The following BCL7B variants were observed in gnomAD, a reference collection of about 807,000 sequenced individuals.
The protein encoded by BCL7B is BAF chromatin remodeling complex subunit BCL7B.
In BCL7B, 11 loss-of-function variants were observed where a neutral mutation model predicts 26.5. The observed-to-expected ratio is 0.42, with a 90% confidence interval of 0.26 to 0.69. The LOEUF (loss-of-function observed/expected upper bound fraction) is 0.69, where lower values mean the gene tolerates loss of function less well. Among genes scored for constraint, BCL7B ranks in the 30% least tolerant of loss-of-function variants. The probability of loss-of-function intolerance (pLI) is 0.28; values close to 1 mark genes in which losing one functional copy is unlikely to be tolerated. For synonymous variants in BCL7B, 111 were observed against 107.9 expected, an observed-to-expected ratio of 1.03 and a Z score of -0.18; for missense variants, 215 against 264.4, an observed-to-expected ratio of 0.81 and a Z score of 1.30.
intron 1 of BCL7B, among the ~76,000 whole-genome samples, chr7:73,554,815 CAG>C (rs1386771620): frequency 1.4e-5 from 2 of 139,830 alleles, no homozygotes; most frequent in Non-Finnish European, 3.1e-5. Context: ...AAAAAAAAAA[CAG>C]ATGACATACT....
intron 3 of BCL7B, among the ~76,000 whole-genome samples, chr7:73,542,525 A>G (rs1450880690): frequency 6.6e-6 from 1 of 152,216 alleles, no homozygotes; most frequent in Non-Finnish European, 1.5e-5. Flanking sequence ...AGCTTAGACA[A>G]AACACTGTTC....
In BCL7B at chr7:73,557,272, G is replaced by A. The variant is rs572305975; in HGVS notation, c.92+215C>T. 8.0e-4 allele frequency: 904 copies of A among 1,133,008 alleles called. 3 individuals carry two copies. The African/African-American group carries it at 0.014, about 17-fold the overall frequency. 70.2% of individuals were successfully genotyped at this position (1,133,008 alleles called of 1,614,324 possible). ...GCGGCGCGCGGCAGCAGCCGCAGCA[G>A]GTGGGCGGGCCCGCGAGCCGGGAGG... On this transcript the variant is annotated intron_variant, in intron 1 of 5. Coordinates refer to ENST00000223368, the MANE Select transcript of BCL7B (RefSeq NM_001707.4).
Position 73,552,256 on chromosome 7 carries a change from A to G in BCL7B, c.93-14T>C, listed in dbSNP as rs781991213. On this transcript the variant is annotated splice_polypyrimidine_tract_variant and intron_variant, in intron 1 of 5. Coordinates refer to ENST00000223368, the MANE Select transcript of BCL7B (RefSeq NM_001707.4). ...CACTTCTTCTCCCTAAAAGAAAGAC[A>G]CTTCTTAGAACGGATAAAACAATGC... The G allele has an allele frequency of 4.4e-6, 7 of 1,597,802 alleles. No homozygotes were observed. The highest frequency in any genetic ancestry group is 1.3e-5 in the African/African-American group (1 of 74,192).
chr7:73,550,739 G>C (rs1792134104), intron 2 of BCL7B, among the ~76,000 whole-genome samples: 1 of 150,744 alleles, frequency 6.6e-6, no homozygotes, highest in Admixed American at 6.6e-5. Context: ...CTCACTGCAA[G>C]CTCCGCCTCC....
At chr7:73,541,463 TA>T (rs1791768366) in intron 3 of BCL7B, among the ~76,000 whole-genome samples, 1 of 149,480 alleles carries the variant, frequency 6.7e-6, no homozygotes, top group Non-Finnish European at 1.5e-5. Flanking sequence ...TCATACCCAG[TA>T]CTTTTTTTTT....
At chr7:73,542,171 G>C (rs1791793295) in intron 3 of BCL7B, among the ~76,000 whole-genome samples, 1 of 152,200 alleles carries the variant, frequency 6.6e-6, no homozygotes, top group Non-Finnish European at 1.5e-5. Flanking sequence ...TGACTCCCCA[G>C]TGCAACGCAC....
In BCL7B at chr7:73,556,607, G is replaced by A. The variant is rs113744872; in HGVS notation, c.92+880C>T. Among the ~76,000 whole-genome samples the A allele has an allele frequency of 3.0e-3, 451 of 152,230 alleles. 1 individual carries two copies. Among genetic ancestry groups the A allele is most frequent in the African/African-American group, 9.0e-3 (374 of 41,524 alleles). On this transcript the variant is annotated intron_variant, in intron 1 of 5. Transcript: ENST00000223368. Reference sequence around the variant, plus strand: ...GTATCGGAGTTCCGGATACTAAACAGGGGCTCAATCGGCATCTTCCATGAA... The same window carrying A: ...GTATCGGAGTTCCGGATACTAAACAAGGGCTCAATCGGCATCTTCCATGAA...
chr7:73,554,667 G>A (rs1428006298), intron 1 of BCL7B, among the ~76,000 whole-genome samples: 1 of 151,602 alleles, frequency 6.6e-6, no homozygotes, highest in Non-Finnish European at 1.5e-5. Context: ...GCATGGTGGC[G>A]CACACCTGTA....
chr7:73,548,145 C>T (rs781981761), intron 2 of BCL7B, among the ~76,000 whole-genome samples: 5 of 151,824 alleles, frequency 3.3e-5, no homozygotes, highest in African/African-American at 7.3e-5. Context: ...AAATTTTAGG[C>T]GAGCCTGGGC....
In BCL7B at chr7:73,537,262, A is replaced by ATC; in HGVS notation, c.*35_*36insGA. The ATC allele has an allele frequency of 6.2e-7, 1 of 1,605,936 alleles. No homozygotes were observed. Among genetic ancestry groups the ATC allele is most frequent in the South Asian group, 1.1e-5 (1 of 90,840 alleles). ...CGGCCAGAACCAGAATGCAATAAAT[A>ATC]GAGGCAGGGCCAGGAGGCGGAGGGC... On this transcript the variant is annotated 3_prime_UTR_variant, in exon 6 of 6. Coordinates refer to ENST00000223368, the MANE Select transcript of BCL7B (RefSeq NM_001707.4).
In BCL7B at chr7:73,537,233, G is replaced by T; in HGVS notation, c.*65C>A. On this transcript the variant is annotated 3_prime_UTR_variant, in exon 6 of 6. Transcript: ENST00000223368. ...GTGCTTGCCCTTACCCCAGCAACGC[G>T]GCGCGGCCAGAACCAGAATGCAATA... 1.3e-6 allele frequency: 2 copies of T among 1,532,386 alleles called. No individual in the cohort carries two copies. The highest frequency in any genetic ancestry group is 1.1e-5 in the South Asian group (1 of 88,376). The allele number at this position is 1,532,386 out of a possible 1,614,324, so 94.9% of individuals were successfully genotyped here.
chr7:73,548,883 T>C (rs1319237642), intron 2 of BCL7B, among the ~76,000 whole-genome samples: 2 of 152,010 alleles, frequency 1.3e-5, no homozygotes, highest in African/African-American at 4.8e-5. Context: ...TGAGCCGAGA[T>C]TGCGCCACTG....
chr7:73,554,052 C>G (rs1237430422), intron 1 of BCL7B, among the ~76,000 whole-genome samples: 1 of 151,010 alleles, frequency 6.6e-6, no homozygotes, highest in Admixed American at 6.6e-5. Context: ...CTTGCGGCCT[C>G]AAAATCCCAG....
chr7:73,549,529 G>A (rs782305470), intron 2 of BCL7B, among the ~76,000 whole-genome samples: 6 of 152,164 alleles, frequency 3.9e-5, no homozygotes, highest in East Asian at 1.9e-4. Context: ...AGGAAAAAGC[G>A]TGGGTACGAT....
At chr7:73,538,236 T>TA in intron 4 of BCL7B, 1 of 376,672 alleles carries the variant, frequency 2.7e-6, no homozygotes, top group Non-Finnish European at 4.7e-6. Flanking sequence ...GGGCTGGAGA[T>TA]ATCTGGAACC....
chr7:73,546,129 C>T (rs1276190123), intron 2 of BCL7B, among the ~76,000 whole-genome samples: 3 of 132,668 alleles, frequency 2.3e-5, no homozygotes, highest in Admixed American at 8.0e-5. Flanking sequence ...GAGACTCCAT[C>T]TCAAAAAAAA....
At chr7:73,540,788 C>CCATTGCA (rs1791732742) in intron 3 of BCL7B, among the ~76,000 whole-genome samples, 1 of 130,250 alleles carries the variant, frequency 7.7e-6, no homozygotes, top group African/African-American at 2.8e-5. Flanking sequence ...CGAGATCGCG[C>CCATTGCA]CATTGCACTC....
intron 1 of BCL7B, among the ~76,000 whole-genome samples, chr7:73,555,401 CA>C (rs71517395): frequency 7.3e-6 from 1 of 136,758 alleles, no homozygotes; most frequent in Admixed American, 7.2e-5. Context: ...GACTCTGTCT[CA>C]AAAAAAAAGA....
chr7:73,547,677 T>C (rs1276262032), intron 2 of BCL7B, among the ~76,000 whole-genome samples: 7 of 152,246 alleles, frequency 4.6e-5, no homozygotes, highest in Non-Finnish European at 7.3e-5. Context: ...TAGAATTTCA[T>C]ATACAGGTAA....
Sources: allele counts gnomAD v4.1 joint callset (sites outside exome capture counted in the v4.1 genomes callset), GRCh38; gene constraint gnomAD v4.1.1; transcripts MANE v1.5; gene names NCBI Gene and HGNC (gene_info 2026-07-23, HGNC 2026-07-21).